MMEL1: variants seen among roughly 807,000 people sequenced by gnomAD.
MMEL1 encodes the protein membrane metallo-endopeptidase-like 1.
A neutral mutation model predicts 117.1 loss-of-function variants in MMEL1; 98 were observed. The observed-to-expected ratio is 0.84, with a 90% CI of 0.71 to 0.99. MMEL1 has a LOEUF of 0.99. MMEL1 is among the 50% of genes least tolerant of loss of function. MMEL1 has a pLI of 0.00. For missense variants in MMEL1, 1,014 were observed against 1,049.1 expected (o/e 0.97, Z 0.46); for synonymous variants, 390 against 415.1 (o/e 0.94, Z 0.74).
rs535298463 is a variant in MMEL1, at chr1:2,618,812, C to A, written c.155-6608G>T. Among the ~76,000 whole-genome samples, 18 of 152,218 alleles carry A rather than the reference C, an allele frequency of 1.2e-4. No homozygotes were observed. In the East Asian group the frequency reaches 2.7e-3, roughly 23 times the overall value. ...TATTTACATTTTTAAAAAAGAAAAT[C>A]TTACATTAGTGAGAGAAAACAAACA... On this transcript the variant is annotated intron_variant, in intron 2 of 23. Coordinates refer to ENST00000378412, the MANE Select transcript of MMEL1 (RefSeq NM_033467.4).
rs1638426905 is a variant in MMEL1, at chr1:2,629,316, G to T, written c.154+15C>A. On this transcript the variant is annotated intron_variant, in intron 2 of 23. Coordinates refer to ENST00000378412, the MANE Select transcript of MMEL1 (RefSeq NM_033467.4). ...CGGGCACGGGGACAGGCGGGGGCGG[G>T]GCACCCGCACTCACCTCTGCGGTCG... is the stretch of plus-strand genomic sequence containing the variant. The T allele has an allele frequency of 2.6e-6, 4 of 1,521,236 alleles. No individual in the cohort carries two copies. In the African/African-American group the frequency reaches 5.6e-5, roughly 21 times the overall value. 94.2% of individuals were successfully genotyped at this position (1,521,236 alleles called of 1,614,324 possible). A position where few individuals can be genotyped will look rare whatever the true frequency, so the allele number is the denominator to read the frequency against.
chr1:2,605,663 G>A (rs765723709), intron 8 of MMEL1, 40 bp from the exon 9 acceptor site: 5 of 1,557,490 alleles, frequency 3.2e-6, no homozygotes, highest in Non-Finnish European at 4.4e-6. Flanking sequence ...AAGGGGCCCG[G>A]GGTCCCCGCA....
chr1:2,602,645 C>T (rs1330025835), intron 11 of MMEL1, among the ~76,000 whole-genome samples: 2 of 152,202 alleles, frequency 1.3e-5, no homozygotes, highest in African/African-American at 4.8e-5. Context: ...CATACCCCCA[C>T]TCCTCTCGGG....
chr1:2,612,221 C>T lies in MMEL1; in HGVS notation c.155-17G>A, dbSNP rs376894827. The T allele has an allele frequency of 4.8e-5, 74 of 1,557,786 alleles. No individual in the cohort carries two copies. The highest frequency in any genetic ancestry group is 2.2e-4 in the African/African-American group (16 of 73,404). On this transcript the variant is annotated splice_polypyrimidine_tract_variant and intron_variant, in intron 2 of 23. Coordinates refer to ENST00000378412, the MANE Select transcript of MMEL1 (RefSeq NM_033467.4). The surrounding 1 kb of genome is among the most constrained non-coding windows in gnomAD (Gnocchi z 5.4). ...GCTGCTTCCCTGGGGAGAAACACAGCGCTCAGCTGCGGCCTCCTGCCTGCA... is the reference window on the plus strand; with the variant it reads ...GCTGCTTCCCTGGGGAGAAACACAGTGCTCAGCTGCGGCCTCCTGCCTGCA...
intron 6 of MMEL1, among the ~76,000 whole-genome samples, chr1:2,608,945 A>AC (rs1645079240): frequency 6.6e-6 from 1 of 152,082 alleles, no homozygotes; most frequent in Non-Finnish European, 1.5e-5. Flanking sequence ...ATACATACAC[A>AC]ATATACATAC....
intron 22 of MMEL1, 140 bp from the exon 23 acceptor site, chr1:2,591,773 G>T (rs876938): frequency 9.8e-7 from 1 of 1,017,784 alleles, no homozygotes; most frequent in Non-Finnish European, 1.5e-6. Context: ...CCTCCCATCA[G>T]CATTGAAATC....
chr1:2,626,956 G>A (rs1044749293), intron 2 of MMEL1, among the ~76,000 whole-genome samples: 3 of 152,126 alleles, frequency 2.0e-5, no homozygotes, highest in African/African-American at 7.2e-5. Context: ...CCAATTAAAA[G>A]ATAGACAAAC....
intron 13 of MMEL1, among the ~76,000 whole-genome samples, chr1:2,597,689 A>C (rs1239759904): frequency 6.6e-6 from 1 of 152,084 alleles, no homozygotes; most frequent in Non-Finnish European, 1.5e-5. Flanking sequence ...GAGCAGCCAC[A>C]GTGACTACAG....
In MMEL1 at chr1:2,629,354, C is replaced by G. The variant is rs1477705866; in HGVS notation, c.131G>C (p.Gly44Ala). ...LLVTAALVAL[G>A]VLYADRRGKQ... Reference sequence around the variant, plus strand: ...ACCTCTGCGGTCGGCGTAGAGGACACCCAAGGCCACCAGGGCAGCGGTCAC... The same window carrying G: ...ACCTCTGCGGTCGGCGTAGAGGACAGCCAAGGCCACCAGGGCAGCGGTCAC... The change falls in exon 2 of 24, where the codon GGT becomes GCT. Residue 44 changes from glycine to alanine, a missense_variant. Coordinates refer to ENST00000378412, the MANE Select transcript of MMEL1 (RefSeq NM_033467.4). The G allele has an allele frequency of 1.3e-6, 2 of 1,542,514 alleles. No homozygotes were observed. The highest frequency in any genetic ancestry group is 2.0e-5 in the Admixed American group (1 of 50,898).
At chr1:2,629,194 G>T in intron 2 of MMEL1, 137 bp downstream of exon 2, 1 of 923,704 alleles carries the variant, frequency 1.1e-6, no homozygotes, top group South Asian at 2.0e-5. Flanking sequence ...GGAGCCCCTG[G>T]GTGCCCAGTG....
At chr1:2,619,038 G>A (rs1645249425) in intron 2 of MMEL1, among the ~76,000 whole-genome samples, 1 of 152,110 alleles carries the variant, frequency 6.6e-6, no homozygotes, top group South Asian at 2.1e-4. Flanking sequence ...ACTTGCTTTG[G>A]CCAACAGAAT....
chr1:2,598,548 C>A, intron 12 of MMEL1, 106 bp downstream of exon 12: 8 of 1,541,964 alleles, frequency 5.2e-6, no homozygotes, highest in South Asian at 4.9e-5. Flanking sequence ...CCCCTCAGGG[C>A]AGATGCTTCA....
intron 13 of MMEL1, among the ~76,000 whole-genome samples, chr1:2,597,736 C>T (rs375101742): frequency 5.9e-5 from 9 of 152,188 alleles, no homozygotes; most frequent in African/African-American, 1.9e-4. Context: ...CTCTTAGCAC[C>T]CCTGCGGCTT....
chr1:2,609,500 G>T, intron 5 of MMEL1, 81 bp from the exon 6 acceptor site: 1 of 1,530,304 alleles, frequency 6.5e-7, no homozygotes, highest in Non-Finnish European at 8.9e-7. Context: ...CCCCTGAAGT[G>T]CTCGGCGAGA....
chr1:2,594,709 C>T, intron 17 of MMEL1, 81 bp downstream of exon 17: 1 of 1,262,748 alleles, frequency 7.9e-7, no homozygotes, highest in African/African-American at 1.5e-5. Context: ...ATCCAGTCCC[C>T]CGCCTGGCAG....
In MMEL1 at chr1:2,596,696, G is replaced by T; in HGVS notation, c.1273-7C>A. On this transcript the variant is annotated splice_polypyrimidine_tract_variant and splice_region_variant and intron_variant, in intron 13 of 23. Coordinates refer to ENST00000378412, the MANE Select transcript of MMEL1 (RefSeq NM_033467.4). ...CCATTGTGCCAAACAGCGCCTGGTG[G>T]GGCCACCCGATCATCCCACGGGCCC... 6.2e-7 allele frequency: 1 copy of T among 1,610,750 alleles called. No homozygotes were observed.
intron 11 of MMEL1, among the ~76,000 whole-genome samples, chr1:2,602,376 G>GCTCCCC (rs1442707560): frequency 1.3e-5 from 2 of 152,092 alleles, no homozygotes; most frequent in Admixed American, 6.5e-5. Context: ...GCTCCTGGAC[G>GCTCCCC]CTCCCCTGAA....
At chr1:2,598,172 T>G (rs766721620) in intron 13 of MMEL1, 35 bp downstream of exon 13, 2 of 1,583,218 alleles carry the variant, frequency 1.3e-6, no homozygotes, top group South Asian at 2.2e-5. Context: ...AATGAATGAG[T>G]GCCCGGCCAG....
intron 4 of MMEL1, among the ~76,000 whole-genome samples, chr1:2,610,872 T>C (rs1452958354): frequency 6.6e-6 from 1 of 152,168 alleles, no homozygotes; most frequent in Non-Finnish European, 1.5e-5. Flanking sequence ...GCTTCTCCAC[T>C]ATTGGCGCTT....
Sources: gnomAD v4.1 joint callset for allele counts (sites outside exome capture counted in the v4.1 genomes callset) on GRCh38, gnomAD v4.1.1 for gene constraint, Gnocchi (gnomAD v3.1) non-coding constraint, MANE v1.5 for transcripts, NCBI Gene and HGNC (gene_info 2026-07-23, HGNC 2026-07-21) for gene names.